The following SLC4A7 variants were observed in gnomAD, a reference collection of about 807,000 sequenced individuals.
SLC4A7 encodes sodium bicarbonate cotransporter 3.
A neutral mutation model predicts 137.6 loss-of-function variants in SLC4A7; 51 were observed. The ratio of observed to expected loss-of-function variants is 0.37; its 90% CI spans 0.30 to 0.47. The LOEUF (loss-of-function observed/expected upper bound fraction) is 0.47, where lower values mean the gene tolerates loss of function less well. Ranked by LOEUF, SLC4A7 falls within the 20% of genes least tolerant of loss-of-function variation. SLC4A7 has a pLI of 1.00. For synonymous variants in SLC4A7, 542 were observed against 518.6 expected, an observed-to-expected ratio of 1.05 and a Z score of -0.61; for missense variants, 1,247 against 1,525.4, an observed-to-expected ratio of 0.82 and a Z score of 3.04.
intron 25 of SLC4A7, among the ~76,000 whole-genome samples, chr3:27,377,827 T>C (rs2050045952): frequency 6.6e-6 from 1 of 152,256 alleles, no homozygotes; most frequent in Non-Finnish European, 1.5e-5. Flanking sequence ...TATGGTTTGC[T>C]GTCTTCTCCA....
rs547363931 is a variant in SLC4A7, at chr3:27,421,223, G to A, written c.1424+399C>T. ...AACTATTAAAATGAGATTTTGGCTG[G>A]GCACAGTGGCTCACGTCTGTAATCC... On this transcript the variant is annotated intron_variant, in intron 9 of 25. Transcript: ENST00000454389. 7.9e-5 allele frequency among the ~76,000 whole-genome samples: 12 copies of A among 152,122 alleles called. No homozygotes were observed. In the South Asian group the frequency reaches 1.9e-3, roughly 24 times the overall value.
intron 2 of SLC4A7, 117 bp downstream of exon 2, chr3:27,452,295 TTTACC>T (rs2058125760): frequency 9.3e-6 from 6 of 642,038 alleles, no homozygotes; most frequent in South Asian, 2.0e-5. Context: ...CAATGTACGC[TTTACC>T]TTACAACAAT....
At chr3:27,391,626 A>G in intron 21 of SLC4A7, 114 bp downstream of exon 21, 1 of 659,430 alleles carries the variant, frequency 1.5e-6, no homozygotes, top group South Asian at 1.9e-5. Flanking sequence ...TAGAAAACTA[A>G]CCTCCCCTCA....
At chr3:27,388,651 A>T (rs1179356439) in intron 22 of SLC4A7, among the ~76,000 whole-genome samples, 1 of 152,130 alleles carries the variant, frequency 6.6e-6, no homozygotes, top group Non-Finnish European at 1.5e-5. Context: ...TTCATCCACC[A>T]TCTATTTTTG....
intron 21 of SLC4A7, among the ~76,000 whole-genome samples, chr3:27,391,414 CCTTTTTAAGTACCAAAA>C (rs2051541127): frequency 6.6e-6 from 1 of 152,162 alleles, no homozygotes. Context: ...CTAATATCTA[CCTTTTTAAGTACCAAAA>C]CTTTTTTTCA....
chr3:27,478,511 C>CA (rs34313327), intron 1 of SLC4A7, among the ~76,000 whole-genome samples: 30,922 of 85,768 alleles, frequency 0.36, 4,290 homozygotes, highest in Middle Eastern at 0.4. Flanking sequence ...GAGACTGCCT[C>CA]AAAAAAAAAA....
At chr3:27,414,521 T>G (rs1041759306) in intron 11 of SLC4A7, among the ~76,000 whole-genome samples, 1 of 151,934 alleles carries the variant, frequency 6.6e-6, no homozygotes, top group Non-Finnish European at 1.5e-5. Context: ...TGGAAATACA[T>G]CATAATTTCT....
intron 13 of SLC4A7, among the ~76,000 whole-genome samples, chr3:27,408,962 C>T (rs1373013077): frequency 6.6e-6 from 1 of 152,152 alleles, no homozygotes; most frequent in African/African-American, 2.4e-5. Flanking sequence ...TCCTGTGGCT[C>T]TAACTAATCC....
At chr3:27,484,031 C>G (rs1343613294) in intron 1 of SLC4A7, 36 bp downstream of exon 1, 29 of 1,372,034 alleles carry the variant, frequency 2.1e-5, no homozygotes, top group African/African-American at 3.0e-5. Flanking sequence ...CGCGCCCTCC[C>G]CCTGCGGAGG....
At chr3:27,473,653 A>T (rs2059345256) in intron 1 of SLC4A7, among the ~76,000 whole-genome samples, 1 of 141,564 alleles carries the variant, frequency 7.1e-6, no homozygotes, top group African/African-American at 2.6e-5. Context: ...GGGTGTAGTG[A>T]GCCGAGATCA....
chr3:27,469,137 G>A (rs1380596472), intron 1 of SLC4A7, among the ~76,000 whole-genome samples: 1 of 151,940 alleles, frequency 6.6e-6, no homozygotes, highest in Admixed American at 6.6e-5. Context: ...TTAAATACTA[G>A]GTATTAGTAC....
At position 27,376,673 on chromosome 3, in the gene SLC4A7, G is replaced by C; in HGVS notation, c.*91C>G. ...AAAACCCGGTAGTCACACATAAACA[G>C]CATGACATACAATATTCTTATATAT... On this transcript the variant is annotated 3_prime_UTR_variant, in exon 26 of 26. Coordinates refer to ENST00000454389, the MANE Select transcript of SLC4A7 (RefSeq NM_001321103.2). The C allele has an allele frequency of 1.3e-6, 1 of 785,264 alleles. No individual in the cohort carries two copies. Among genetic ancestry groups the C allele is most frequent in the South Asian group, 1.8e-5 (1 of 55,776 alleles). 48.6% of individuals were successfully genotyped at this position (785,264 alleles called of 1,614,324 possible).
At chr3:27,478,426 G>T (rs59443791) in intron 1 of SLC4A7, among the ~76,000 whole-genome samples, 4,582 of 149,084 alleles carry the variant, frequency 0.031, 242 homozygotes, top group African/African-American at 0.11. Flanking sequence ...GCTGAGGCAG[G>T]AGAATCGCTT....
intron 1 of SLC4A7, among the ~76,000 whole-genome samples, chr3:27,481,174 C>CA (rs1331811012): frequency 6.6e-6 from 1 of 151,948 alleles, no homozygotes; most frequent in African/African-American, 2.4e-5. Flanking sequence ...ACAACAACAA[C>CA]AAAAAAAGAC....
At chr3:27,444,472 C>T (rs2057441705) in intron 3 of SLC4A7, among the ~76,000 whole-genome samples, 1 of 152,180 alleles carries the variant, frequency 6.6e-6, no homozygotes. Context: ...CCACAAATTA[C>T]TGATGCTCCC....
intron 15 of SLC4A7, among the ~76,000 whole-genome samples, chr3:27,402,088 G>A (rs941543535): frequency 1.1e-4 from 17 of 152,138 alleles, no homozygotes; most frequent in African/African-American, 3.9e-4. Context: ...TGGGGCTTAG[G>A]TGGGTAGAAA....
Position 27,383,259 on chromosome 3 carries a change from C to G in SLC4A7, c.3493-9G>C, listed in dbSNP as rs762306652. 1.3e-5 allele frequency: 20 copies of G among 1,564,978 alleles called. No homozygotes were observed. The highest frequency in any genetic ancestry group is 1.8e-5 in the Non-Finnish European group (20 of 1,137,008). ...AGCATCCGTTCAGCTTCCTTTATAA[C>G]ACATGTGTGAAGAGGTTACTTTTCC... On this transcript the variant is annotated splice_polypyrimidine_tract_variant and intron_variant, in intron 23 of 25. Coordinates refer to ENST00000454389, the MANE Select transcript of SLC4A7 (RefSeq NM_001321103.2).
intron 1 of SLC4A7, among the ~76,000 whole-genome samples, chr3:27,471,424 C>T (rs1025893941): frequency 9.2e-5 from 14 of 152,148 alleles, no homozygotes; most frequent in African/African-American, 2.7e-4. Context: ...TTTTTTGAGA[C>T]GGAGTTTCAC....
At position 27,373,858 on chromosome 3, in the gene SLC4A7, G is replaced by A. The variant is rs983193620; in HGVS notation, c.*2906C>T. ...CATGCATTAGCACATAAAATATTTC[G>A]TCCTAGACATCTTTACAGAAGACTT... On this transcript the variant is annotated 3_prime_UTR_variant, in exon 26 of 26. Transcript: ENST00000454389. 1 of 152,518 alleles carries A rather than the reference G, an allele frequency of 6.6e-6. No homozygotes were observed. Among genetic ancestry groups the A allele is most frequent in the African/African-American group, 2.4e-5 (1 of 41,434 alleles). The allele number at this position is 152,518 out of a possible 1,614,324, so 9.4% of individuals were successfully genotyped here.
Sources: allele counts gnomAD v4.1 joint callset (sites outside exome capture counted in the v4.1 genomes callset), GRCh38; gene constraint gnomAD v4.1.1; transcripts MANE v1.5; gene names NCBI Gene and HGNC (gene_info 2026-07-23, HGNC 2026-07-21).